Variants in NEDD4L observed in about 807,000 individuals in gnomAD.
NEDD4L encodes the protein NEDD4 like E3 ubiquitin protein ligase, also known as E3 ubiquitin-protein ligase NEDD4-like.
In NEDD4L, 54 loss-of-function variants were observed where a neutral mutation model predicts 148.9. That is an observed-to-expected ratio of 0.36 (90% CI 0.29 to 0.45). NEDD4L has a LOEUF of 0.45. NEDD4L is among the 20% of genes least tolerant of loss of function. NEDD4L has a pLI of 1.00. For missense variants in NEDD4L, 856 were observed against 1,233.8 expected, an observed-to-expected ratio of 0.69 and a Z score of 4.59; for synonymous variants, 433 against 440.7, an observed-to-expected ratio of 0.98 and a Z score of 0.22.
intron 1 of NEDD4L, among the ~76,000 whole-genome samples, chr18:58,079,764 TC>T (rs2083340494): frequency 6.6e-6 from 1 of 152,182 alleles, no homozygotes; most frequent in African/African-American, 2.4e-5. Flanking sequence ...ATTTTGCTTT[TC>T]CCTTTTTAAA....
chr18:58,102,839 C>A (rs377304084), intron 1 of NEDD4L, among the ~76,000 whole-genome samples: 18 of 151,940 alleles, frequency 1.2e-4, no homozygotes, highest in African/African-American at 4.1e-4. Flanking sequence ...TGGAACTACT[C>A]CACCATCAAT....
intron 5 of NEDD4L, among the ~76,000 whole-genome samples, chr18:58,294,980 G>A (rs2055343955): frequency 6.6e-6 from 1 of 151,980 alleles, no homozygotes; most frequent in South Asian, 2.1e-4. Context: ...GCAGTTTTAG[G>A]TTCAGAGCAT....
intron 2 of NEDD4L, among the ~76,000 whole-genome samples, chr18:58,183,741 C>T (rs1038563184): frequency 1.3e-5 from 2 of 152,126 alleles, no homozygotes; most frequent in African/African-American, 2.4e-5. Context: ...CTTGGTTCAC[C>T]GTAAGTTTGC....
intron 2 of NEDD4L, among the ~76,000 whole-genome samples, chr18:58,186,791 C>T (rs1375397217): frequency 6.6e-6 from 1 of 152,244 alleles, no homozygotes; most frequent in Non-Finnish European, 1.5e-5. Context: ...GCACGCCAGT[C>T]ACCTGGTATG....
At chr18:58,198,241 A>G (rs2040958860) in intron 2 of NEDD4L, among the ~76,000 whole-genome samples, 1 of 152,184 alleles carries the variant, frequency 6.6e-6, no homozygotes, top group Admixed American at 6.5e-5. Flanking sequence ...TTTAAGAAAC[A>G]ACTTTTAAAA....
chr18:58,330,180 T>G (rs2059676029), intron 10 of NEDD4L, among the ~76,000 whole-genome samples: 1 of 152,234 alleles, frequency 6.6e-6, no homozygotes, highest in Non-Finnish European at 1.5e-5. Flanking sequence ...TCATTTAGAA[T>G]GCGGCGATTC....
chr18:58,355,224 A>C (rs1375231576), intron 18 of NEDD4L, among the ~76,000 whole-genome samples: 1 of 152,196 alleles, frequency 6.6e-6, no homozygotes, highest in Non-Finnish European at 1.5e-5. Context: ...AGGGAAAAAA[A>C]ATGAGCCCTC....
At chr18:58,260,911 T>G (rs995504695) in intron 5 of NEDD4L, among the ~76,000 whole-genome samples, 6 of 152,216 alleles carry the variant, frequency 3.9e-5, no homozygotes, top group African/African-American at 1.4e-4. Context: ...AGCCTATTCC[T>G]CATCAGTAAA....
At chr18:58,098,445 C>T (rs182776526) in intron 1 of NEDD4L, among the ~76,000 whole-genome samples, 4 of 152,256 alleles carry the variant, frequency 2.6e-5, no homozygotes, top group East Asian at 1.9e-4. Context: ...GATCGTGGAG[C>T]GCCATGATAC....
At chr18:58,184,625 G>A (rs1315019981) in intron 2 of NEDD4L, among the ~76,000 whole-genome samples, 15 of 152,032 alleles carry the variant, frequency 9.9e-5, no homozygotes, top group Non-Finnish European at 1.5e-5. Flanking sequence ...CTTGGTTTTT[G>A]GGTTTAAGAA....
At chr18:58,209,408 A>C (rs1460988200) in intron 2 of NEDD4L, among the ~76,000 whole-genome samples, 4 of 5,168 alleles carry the variant, frequency 7.7e-4, no homozygotes, top group East Asian at 3.9e-3. Flanking sequence ...CTCCTCCTCC[A>C]CCTCCCCCTC....
Position 58,347,226 on chromosome 18 carries a change from C to T in NEDD4L, c.1576-2311C>T, listed in dbSNP as rs1299931409. 6.1e-4 allele frequency among the ~76,000 whole-genome samples: 73 copies of T among 119,750 alleles called. 1 individual carries two copies. The highest frequency in any genetic ancestry group is 2.2e-3 in the African/African-American group (69 of 30,926). 78.6% of individuals were successfully genotyped at this position (119,750 alleles called of 152,430 possible). On this transcript the variant is annotated intron_variant, in intron 16 of 30. Coordinates refer to ENST00000400345, the MANE Select transcript of NEDD4L (RefSeq NM_001144967.3). ...TACGGCCCCCCCCGCCCCCCCCCCC[C>T]CTTTAAATCACCAGCCTTTTACCAA...
intron 5 of NEDD4L, among the ~76,000 whole-genome samples, chr18:58,271,092 T>C (rs1184367715): frequency 6.9e-6 from 1 of 144,000 alleles, no homozygotes; most frequent in Non-Finnish European, 1.5e-5. Flanking sequence ...TTAGCTCTTA[T>C]TATTATTGTT....
Position 58,387,263 on chromosome 18 carries a change from T to C in NEDD4L, c.2488-176T>C, listed in dbSNP as rs549902504. Among the ~76,000 whole-genome samples, 7 of 152,350 alleles carry C rather than the reference T, an allele frequency of 4.6e-5. No homozygotes were observed. The South Asian group carries it at 1.0e-3, about 23-fold the overall frequency. ...ATTCTATGCTTTTTCGAAACTGTTA[T>C]ATTGTGACTGTGCTGTTTTTACTGG... On this transcript the variant is annotated intron_variant, in intron 26 of 30. Transcript: ENST00000400345.
intron 6 of NEDD4L, among the ~76,000 whole-genome samples, chr18:58,318,131 G>A (rs930600126): frequency 4.6e-5 from 7 of 152,266 alleles, no homozygotes; most frequent in South Asian, 2.1e-4. Context: ...TGTGGAGAGG[G>A]CGGGAGCATA....
Position 58,256,495 on chromosome 18 carries a change from G to C in NEDD4L, c.297+4441G>C. 2 of 1,232,288 alleles carry C rather than the reference G, an allele frequency of 1.6e-6. No homozygotes were observed. Among genetic ancestry groups the C allele is most frequent in the Non-Finnish European group, 2.0e-6 (2 of 988,060 alleles). The allele number at this position is 1,232,288 out of a possible 1,614,324, so 76.3% of individuals were successfully genotyped here. On this transcript the variant is annotated intron_variant, in intron 5 of 30. Transcript: ENST00000400345. The surrounding 1 kb of genome is among the most constrained non-coding windows in gnomAD (Gnocchi z 5.2). ...GCATTCGGCTGGAGAGGAGCACCTC[G>C]TACCCCACGCAGCCCCGAAGCGAGC...
chr18:58,184,416 G>A (rs1348452230), intron 2 of NEDD4L, among the ~76,000 whole-genome samples: 1 of 152,034 alleles, frequency 6.6e-6, no homozygotes, highest in Non-Finnish European at 1.5e-5. Context: ...TGAGATTACC[G>A]AGAGGCCTTG....
chr18:58,351,155 T>A, intron 18 of NEDD4L, 110 bp downstream of exon 18: 1 of 1,526,846 alleles, frequency 6.5e-7, no homozygotes, highest in Non-Finnish European at 8.8e-7. Flanking sequence ...GGCAGCCAGG[T>A]GTTATGTGGA....
At chr18:58,141,109 A>G (rs1203604601) in intron 1 of NEDD4L, among the ~76,000 whole-genome samples, 1 of 152,138 alleles carries the variant, frequency 6.6e-6, no homozygotes, top group African/African-American at 2.4e-5. Flanking sequence ...ATGTGGCTCC[A>G]CTGGGCTGGC....
Sources: allele counts gnomAD v4.1 joint callset (sites outside exome capture counted in the v4.1 genomes callset), GRCh38; gene constraint gnomAD v4.1.1; non-coding constraint Gnocchi (gnomAD v3.1); transcripts MANE v1.5; gene names NCBI Gene and HGNC (gene_info 2026-07-23, HGNC 2026-07-21).